FGF14: variants seen among roughly 807,000 people sequenced by gnomAD.
The protein encoded by FGF14 is fibroblast growth factor homologous factor 4.
Under a neutral mutation model 25.5 loss-of-function variants are expected in FGF14, and 5 were observed. That is an observed-to-expected ratio of 0.20 (90% CI 0.10 to 0.41). The LOEUF (loss-of-function observed/expected upper bound fraction) is 0.41. FGF14 is among the 10% of genes least tolerant of loss of function. The pLI is 1.00. For missense variants in FGF14, 222 were observed against 320.1 expected (o/e 0.69, Z 2.34); for synonymous variants, 138 against 118.3 (o/e 1.17, Z -1.08).
chr13:101,834,347 C>A (rs76944460), intron 3 of FGF14, among the ~76,000 whole-genome samples: 1 of 151,966 alleles, frequency 6.6e-6, no homozygotes, highest in South Asian at 2.1e-4. Context: ...ATTTCACAAA[C>A]GAAATGACAC....
intron 1 of FGF14, among the ~76,000 whole-genome samples, chr13:102,156,081 C>G (rs554363722): frequency 1.3e-5 from 2 of 152,274 alleles, no homozygotes; most frequent in South Asian, 4.1e-4. Context: ...ACCAGAGGTA[C>G]AAGGAGGAGC....
rs1376993959 is a variant in FGF14 at position 102,400,127 on chromosome 13, A to G, written c.208+1344T>C. Among the ~76,000 whole-genome samples, 1 of 142,810 alleles carries G rather than the reference A, an allele frequency of 7.0e-6. No individual in the cohort carries two copies. The highest frequency in any genetic ancestry group is 2.5e-5 in the African/African-American group (1 of 39,418). 93.7% of individuals were successfully genotyped at this position (142,810 alleles called of 152,430 possible). A position where few individuals can be genotyped will look rare whatever the true frequency, so the allele number is the denominator to read the frequency against. ...CAGACCCCTCGGAGCGCGCCACCCCAGCTACGTTGCATTGGCAAGGTTCGG... is the reference window on the plus strand; with the variant it reads ...CAGACCCCTCGGAGCGCGCCACCCCGGCTACGTTGCATTGGCAAGGTTCGG... On this transcript the variant is annotated intron_variant, in intron 1 of 4. Coordinates refer to the FGF14 transcript ENST00000376131. This position sits in a 1 kb window ranked among gnomAD's most constrained non-coding sequence, Gnocchi z 4.3.
chr13:102,192,943 G>A (rs901342741), intron 1 of FGF14, among the ~76,000 whole-genome samples: 5 of 151,988 alleles, frequency 3.3e-5, no homozygotes, highest in African/African-American at 9.7e-5. Flanking sequence ...CACTCCAACT[G>A]CCTTAAATAC....
chr13:101,918,308 G>C (rs1460573536), upstream of FGF14, among the ~76,000 whole-genome samples: 2 of 152,154 alleles, frequency 1.3e-5, no homozygotes, highest in African/African-American at 4.8e-5. Context: ...GTGCAGCTCT[G>C]GCTCCGGGCT....
chr13:102,069,675 G>C (rs997290503), intron 1 of FGF14, among the ~76,000 whole-genome samples: 1 of 152,050 alleles, frequency 6.6e-6, no homozygotes, highest in Non-Finnish European at 1.5e-5. Context: ...CTGAGCCAGC[G>C]AGACCACGAA....
intron 3 of FGF14, among the ~76,000 whole-genome samples, chr13:101,815,274 G>A (rs2140205918): frequency 6.6e-6 from 1 of 152,254 alleles, no homozygotes; most frequent in Non-Finnish European, 1.5e-5. Context: ...TTAAGCCTGG[G>A]AAACAAATGA....
chr13:101,811,038 C>T (rs368684560), intron 3 of FGF14, among the ~76,000 whole-genome samples: 1 of 134,982 alleles, frequency 7.4e-6, no homozygotes, highest in African/African-American at 2.6e-5. Context: ...ATCCGCCCCC[C>T]CCGGCCCCCG....
chr13:101,812,651 ATATTTT>A (rs2041632083), intron 3 of FGF14, among the ~76,000 whole-genome samples: 1 of 8,154 alleles, frequency 1.2e-4, no homozygotes, highest in African/African-American at 4.0e-4. Context: ...ATATATATAT[ATATTTT>A]TTTTTTTTTT....
intron 3 of FGF14, among the ~76,000 whole-genome samples, chr13:101,747,192 A>T (rs1385065775): frequency 6.6e-6 from 1 of 152,134 alleles, no homozygotes; most frequent in Non-Finnish European, 1.5e-5. Context: ...GGTAAAGGCA[A>T]TTTAGCGACT....
chr13:101,951,130 C>T (rs1032495704), intron 1 of FGF14, among the ~76,000 whole-genome samples: 1 of 152,100 alleles, frequency 6.6e-6, no homozygotes, highest in Non-Finnish European at 1.5e-5. Context: ...AGATAAATGG[C>T]TATTTGACAT....
chr13:101,841,271 G>A (rs563503063), intron 3 of FGF14, among the ~76,000 whole-genome samples: 2 of 151,710 alleles, frequency 1.3e-5, no homozygotes, highest in Non-Finnish European at 2.9e-5. Flanking sequence ...TGTAAACATG[G>A]CATAAGGGGA....
At chr13:102,346,592 T>C (rs571646044) in intron 1 of FGF14, among the ~76,000 whole-genome samples, 3 of 152,150 alleles carry the variant, frequency 2.0e-5, no homozygotes, top group Non-Finnish European at 4.4e-5. Flanking sequence ...AGAGAACATA[T>C]AAGCTCAGAA....
At chr13:102,300,928 CACACACACAT>C (rs747412117) in intron 1 of FGF14, among the ~76,000 whole-genome samples, 1,991 of 83,466 alleles carry the variant, frequency 0.024, 24 homozygotes, top group African/African-American at 0.054. Flanking sequence ...CAGACACACA[CACACACACAT>C]ACACACACAC....
chr13:101,878,561 G>A (rs917944571), intron 1 of FGF14, among the ~76,000 whole-genome samples: 3 of 152,014 alleles, frequency 2.0e-5, no homozygotes, highest in Non-Finnish European at 2.9e-5. Context: ...GAGGTGATAC[G>A]AATAAAATAA....
At chr13:102,397,933 T>G (rs1445646248) in intron 1 of FGF14, among the ~76,000 whole-genome samples, 2 of 152,062 alleles carry the variant, frequency 1.3e-5, no homozygotes, top group African/African-American at 4.8e-5. Flanking sequence ...CTTGCATGAC[T>G]CCTACAGTGA....
chr13:102,367,896 C>A (rs936861841), intron 1 of FGF14: 1 of 152,222 alleles, frequency 6.6e-6, no homozygotes, highest in African/African-American at 2.4e-5. Flanking sequence ...AGACCCCGGA[C>A]GATGGACTAA....
rs1566807541 is a variant in FGF14 at position 101,718,042 on chromosome 13, A to G, written c.*4789T>C. On this transcript the variant is annotated 3_prime_UTR_variant, in exon 5 of 5. Coordinates refer to ENST00000376143, the MANE Select transcript of FGF14 (RefSeq NM_004115.4). The stretch of plus-strand genomic sequence containing the variant: ...CATACCATAAAAAGTTCAAAATGTG[A>G]TTCATCTAAAATTTTGGACAAAGAT... 1 of 152,146 alleles carries G rather than the reference A, an allele frequency of 6.6e-6. No individual in the cohort carries two copies. Among genetic ancestry groups the G allele is most frequent in the Non-Finnish European group, 1.5e-5 (1 of 68,012 alleles). The allele number at this position is 152,146 out of a possible 1,614,324, so 9.4% of individuals were successfully genotyped here.
At chr13:102,172,198 A>G (rs1414566033) in intron 1 of FGF14, among the ~76,000 whole-genome samples, 2 of 152,028 alleles carry the variant, frequency 1.3e-5, no homozygotes, top group African/African-American at 4.8e-5. Context: ...ATCAAATCTC[A>G]GGGAGAAGAA....
At chr13:102,347,389 T>C (rs1555404334) in intron 1 of FGF14, among the ~76,000 whole-genome samples, 1 of 152,230 alleles carries the variant, frequency 6.6e-6, no homozygotes, top group Non-Finnish European at 1.5e-5. Flanking sequence ...GAGCACCCAG[T>C]GTGGCAGCTT....
Sources: gnomAD v4.1 joint callset for allele counts (sites outside exome capture counted in the v4.1 genomes callset) on GRCh38, gnomAD v4.1.1 for gene constraint, Gnocchi (gnomAD v3.1) non-coding constraint, MANE v1.5 for transcripts, NCBI Gene and HGNC (gene_info 2026-07-23, HGNC 2026-07-21) for gene names.